The following PER1 variants were observed in gnomAD, a reference collection of about 807,000 sequenced individuals.
The protein encoded by PER1 is period circadian protein homolog 1.
In PER1, 87 loss-of-function variants were observed where a neutral mutation model predicts 125.9. The ratio of observed to expected loss-of-function variants is 0.69; its 90% CI spans 0.58 to 0.83. The LOEUF (loss-of-function observed/expected upper bound fraction) is 0.83. Among genes scored for constraint, PER1 ranks in the 40% least tolerant of loss-of-function variants. PER1 has a pLI of 0.00. For synonymous variants in PER1, 801 were observed against 714.7 expected (o/e 1.12, Z -1.93); for missense variants, 1,775 against 1,722.8 (o/e 1.03, Z -0.54).
intron 10 of PER1, 68 bp downstream of exon 10, chr17:8,147,929 C>T (rs1273654809): frequency 6.3e-7 from 1 of 1,583,048 alleles, no homozygotes; most frequent in Non-Finnish European, 8.6e-7. Flanking sequence ...CCAAGAGACA[C>T]AACCACAAGG....
Position 8,141,195 on chromosome 17 carries a change from T to G in PER1, c.3746A>C (p.Glu1249Ala). 1 of 1,614,128 alleles carries G rather than the reference T, an allele frequency of 6.2e-7. No individual in the cohort carries two copies. The highest frequency in any genetic ancestry group is 8.5e-7 in the Non-Finnish European group (1 of 1,180,016). The change falls in exon 23 of 23, where the codon GAG becomes GCG. Residue 1249 changes from glutamate to alanine, a missense_variant. By Grantham distance (107) the Glu-to-Ala change is moderately radical. Transcript: ENST00000317276. ...GSSGGGSGEG[E>A]GCEEAQGGAK... is the part of the protein sequence containing the mutation. ...CCCGCCTTGGGCCTCCTCGCAGCCCTCTCCCTCACCACTGCCGCCACCGCT... is the reference window on the plus strand; with the variant it reads ...CCCGCCTTGGGCCTCCTCGCAGCCCGCTCCCTCACCACTGCCGCCACCGCT...
intron 7 of PER1, 103 bp from the exon 8 acceptor site, chr17:8,148,889 CAGG>C (rs1195866604): frequency 5.1e-6 from 7 of 1,363,772 alleles, no homozygotes; most frequent in Non-Finnish European, 5.1e-6. Flanking sequence ...GGGGAGGGGG[CAGG>C]AGGAGGCAGA....
intron 18 of PER1, 91 bp from the exon 19 acceptor site, chr17:8,143,967 G>T: frequency 6.7e-7 from 1 of 1,501,258 alleles, no homozygotes; most frequent in Non-Finnish European, 8.9e-7. Context: ...CCAGGGAGAG[G>T]ACAGGCCAAG....
intron 16 of PER1, 25 bp downstream of exon 16, chr17:8,146,347 G>C: frequency 6.3e-7 from 1 of 1,579,132 alleles, no homozygotes; most frequent in Non-Finnish European, 8.6e-7. Context: ...CGGGGCAGTG[G>C]GAGCAGGGTG....
chr17:8,144,834 G>T lies in PER1; in HGVS notation c.2378C>A (p.Ala793Asp). Residue 793 changes from alanine (A) to aspartate (D), a missense_variant, in exon 18 of 23, where the codon GCC becomes GAC. Transcript: ENST00000317276. The stretch of plus-strand genomic sequence containing the variant: ...CAGGTCTCGGAAGCGGCTGAGGAAG[G>T]CTTGCTCTTCCTTCTGTGTGTGCAG... The part of the protein sequence containing the change: ...LSLHTQKEEQ[A>D]FLSRFRDLGR... 4 of 1,586,692 alleles carry T rather than the reference G, an allele frequency of 2.5e-6. No individual in the cohort carries two copies. The highest frequency in any genetic ancestry group is 2.6e-6 in the Non-Finnish European group (3 of 1,165,142).
rs186365974 is a variant in PER1, at chr17:8,141,510, T to C, written c.3601-170A>G. Among the ~76,000 whole-genome samples, 20 of 152,322 alleles carry C rather than the reference T, an allele frequency of 1.3e-4. No homozygotes were observed. The East Asian group carries it at 3.7e-3, about 28-fold the overall frequency. ...CAAGGTTGGACAGTGCCTTGTGCCCTCTACCCAGATGCCGTTACAGGACAG... is the reference window on the plus strand; with the variant it reads ...CAAGGTTGGACAGTGCCTTGTGCCCCCTACCCAGATGCCGTTACAGGACAG... On this transcript the variant is annotated intron_variant, in intron 22 of 22. Transcript: ENST00000317276.
At chr17:8,147,855 T>C (rs1982559096) in intron 10 of PER1, 28 bp from the exon 11 acceptor site, 6 of 1,612,032 alleles carry the variant, frequency 3.7e-6, no homozygotes, top group Non-Finnish European at 5.1e-6. Context: ...GGAGGAGCGG[T>C]CAAAGGGAGG....
chr17:8,149,934 A>G (rs540236118), intron 4 of PER1, 37 bp downstream of exon 4: 105 of 1,613,796 alleles, frequency 6.5e-5, no homozygotes, highest in Non-Finnish European at 8.7e-5. Context: ...ACGGGAGCCC[A>G]GGCCCAGGCC....
Position 8,143,689 on chromosome 17 carries a change from G to A in PER1, c.2649C>T (p.Pro883=). ...ATTPFPAVVQ[P]YPLPVFSPRG... ...GAGGAGAGAACACTGGGAGAGGGTA[G>A]GGCTGGACAACCGCTGGGAAGGGGG... Residue 883 remains proline (P), a synonymous_variant, in exon 19 of 23, where the codon CCC becomes CCT. Transcript: ENST00000317276. 1.3e-6 allele frequency: 2 copies of A among 1,504,492 alleles called. No homozygotes were observed. Among genetic ancestry groups the A allele is most frequent in the Non-Finnish European group, 1.8e-6 (2 of 1,120,398 alleles). 93.2% of individuals were successfully genotyped at this position (1,504,492 alleles called of 1,614,324 possible).
At chr17:8,150,905 G>A (rs1411184753) in intron 1 of PER1, 60 bp from the exon 2 acceptor site, 5 of 541,766 alleles carry the variant, frequency 9.2e-6, no homozygotes, top group Non-Finnish European at 1.6e-5. Flanking sequence ...CAGAGCACCT[G>A]CTGGCTTCAC....
intron 8 of PER1, 118 bp from the exon 9 acceptor site, chr17:8,148,377 TA>T (rs1343684426): frequency 1.1e-6 from 1 of 903,848 alleles, no homozygotes; most frequent in Non-Finnish European, 1.7e-6. Flanking sequence ...CCCCGGGCAC[TA>T]TGGGCCCAAA....
intron 1 of PER1, among the ~76,000 whole-genome samples, chr17:8,151,835 C>T (rs1363624528): frequency 6.6e-6 from 1 of 152,198 alleles, no homozygotes. Flanking sequence ...CCCGTCCAAC[C>T]ACACCCCTAC....
Position 8,149,653 on chromosome 17 carries a change from G to A in PER1, c.662C>T (p.Ser221Leu), listed in dbSNP as rs1020743741. 1.9e-6 allele frequency: 3 copies of A among 1,610,290 alleles called. No homozygotes were observed. Among genetic ancestry groups the A allele is most frequent in the East Asian group, 2.2e-5 (1 of 44,752 alleles). ...EYTLQNQDTF[S>L]VAVSFLTGRI... Reference sequence around the variant, plus strand: ...GCCCGTCAGGAAGGAGACAGCCACTGAGAAGGTATCCTGGCAGGAGGGGGA... The same window carrying A: ...GCCCGTCAGGAAGGAGACAGCCACTAAGAAGGTATCCTGGCAGGAGGGGGA... Residue 221 changes from serine (S) to leucine (L), a missense_variant, in exon 6 of 23, where the codon TCA becomes TTA. Ser to Leu is a moderately radical substitution (Grantham distance 145). Transcript: ENST00000317276.
chr17:8,150,824 G>A lies in PER1; in HGVS notation c.-118C>T. Reference sequence around the variant, plus strand: ...GAAGATCTAAGTCTCTGAGGGTTGAGAAGTTCGATCACAGCCAGTACCTGG... The same window carrying A: ...GAAGATCTAAGTCTCTGAGGGTTGAAAAGTTCGATCACAGCCAGTACCTGG... On this transcript the variant is annotated 5_prime_UTR_variant, in exon 2 of 23. Transcript: ENST00000317276. 1.0e-6 allele frequency: 1 copy of A among 977,850 alleles called. No homozygotes were observed. Among genetic ancestry groups the A allele is most frequent in the African/African-American group, 1.6e-5 (1 of 61,378 alleles). 60.6% of individuals were successfully genotyped at this position (977,850 alleles called of 1,614,324 possible). A position where few individuals can be genotyped will look rare whatever the true frequency, so the allele number is the denominator to read the frequency against.
In PER1 at chr17:8,152,382, G is replaced by C. The variant is rs1008298499; in HGVS notation, c.-185C>G. 1 of 152,604 alleles carries C rather than the reference G, an allele frequency of 6.6e-6. No homozygotes were observed. The highest frequency in any genetic ancestry group is 1.5e-5 in the Non-Finnish European group (1 of 68,270). The allele number at this position is 152,604 out of a possible 1,614,324, so 9.5% of individuals were successfully genotyped here. On this transcript the variant is annotated 5_prime_UTR_variant, in exon 1 of 23. Coordinates refer to ENST00000317276, the MANE Select transcript of PER1 (RefSeq NM_002616.3). ...CGCACGCCTGCCCGCCGCCGCTCCAGCCCGCAGCCGAGTGGAAGCTCCACC... is the reference window on the plus strand; with the variant it reads ...CGCACGCCTGCCCGCCGCCGCTCCACCCCGCAGCCGAGTGGAAGCTCCACC...
intron 16 of PER1, 72 bp downstream of exon 16, chr17:8,146,300 A>C: frequency 1.9e-6 from 3 of 1,542,648 alleles, no homozygotes; most frequent in Non-Finnish European, 8.7e-7. Flanking sequence ...AGGGCCCAGA[A>C]GCAGAAGGGA....
rs772045908 is a variant in PER1, at chr17:8,144,894, T to C, written c.2318A>G (p.Tyr773Cys). The change falls in exon 18 of 23, where the codon TAC (tyrosine) becomes TGC (cysteine). Residue 773 changes from tyrosine to cysteine, a missense_variant. Tyr to Cys is a radical substitution (Grantham distance 194, BLOSUM62 -2). Coordinates refer to ENST00000317276, the MANE Select transcript of PER1 (RefSeq NM_002616.3). ...GGCCTTGGTCAGCCCCACTGGACGG[T>C]AGGCGTCTGGGGCTGGGTCAGGGGC... Reference protein sequence around the residue: ...TVAPDPAPDAYRPVGLTKAVL... With the variant: ...TVAPDPAPDACRPVGLTKAVL... 3.8e-6 allele frequency: 6 copies of C among 1,559,342 alleles called. No homozygotes were observed. Among genetic ancestry groups the C allele is most frequent in the East Asian group, 2.3e-5 (1 of 43,378 alleles).
intron 13 of PER1, 47 bp from the exon 14 acceptor site, chr17:8,147,049 G>C (rs768744408): frequency 6.6e-7 from 1 of 1,526,046 alleles, no homozygotes. Flanking sequence ...GGTGTCGCCA[G>C]TGTCAGGGGC....
At chr17:8,144,488 C>A in intron 18 of PER1, 1 of 504,514 alleles carries the variant, frequency 2.0e-6, no homozygotes, top group Non-Finnish European at 3.5e-6. Flanking sequence ...CCAGGCTAGG[C>A]CTGAAGTCGC....
Sources: allele counts gnomAD v4.1 joint callset (sites outside exome capture counted in the v4.1 genomes callset), GRCh38; gene constraint gnomAD v4.1.1; transcripts MANE v1.5; gene names NCBI Gene and HGNC (gene_info 2026-07-23, HGNC 2026-07-21).